CLIP1: variants seen among roughly 807,000 people sequenced by gnomAD.
CLIP1 encodes CAP-Gly domain containing linker protein 1, also known as CAP-Gly domain-containing linker protein 1.
A neutral mutation model predicts 161.6 loss-of-function variants in CLIP1; 66 were observed. The ratio of observed to expected loss-of-function variants is 0.41; its 90% confidence interval spans 0.33 to 0.50. CLIP1 has a LOEUF of 0.50. Ranked by LOEUF, CLIP1 falls within the 20% of genes least tolerant of loss-of-function variation. CLIP1 has a pLI of 0.27. For missense variants in CLIP1, 1,376 were observed against 1,702.0 expected (o/e 0.81, Z 3.37); for synonymous variants, 598 against 626.2 (o/e 0.96, Z 0.67).
rs186115918 is a variant in CLIP1 at position 122,408,078 on chromosome 12, A to T, written c.-107+14443T>A. Among the ~76,000 whole-genome samples, 1,472 of 152,012 alleles carry T rather than the reference A, an allele frequency of 9.7e-3. 24 individuals carry two copies. Among genetic ancestry groups the T allele is most frequent in the African/African-American group, 0.034 (1,406 of 41,480 alleles). On this transcript the variant is annotated intron_variant, in intron 1 of 25. Coordinates refer to ENST00000620786, the MANE Select transcript of CLIP1 (RefSeq NM_001247997.2). ...TGGCGAAACCCCATCTCTACTAAAAATACAAAAATTAGCCAGGCATGGTGG... is the reference window on the plus strand; with the variant it reads ...TGGCGAAACCCCATCTCTACTAAAATTACAAAAATTAGCCAGGCATGGTGG...
chr12:122,284,405 T>A (rs958042277), intron 21 of CLIP1, among the ~76,000 whole-genome samples: 1 of 151,500 alleles, frequency 6.6e-6, no homozygotes, highest in Non-Finnish European at 1.5e-5. Flanking sequence ...CAGGCTGGAG[T>A]GCAATGGCGC....
chr12:122,412,956 G>C (rs1030395044), intron 1 of CLIP1, among the ~76,000 whole-genome samples: 2 of 152,038 alleles, frequency 1.3e-5, no homozygotes, highest in Non-Finnish European at 2.9e-5. Flanking sequence ...AGCAAGCTAC[G>C]TATCCCTTTC....
At chr12:122,327,528 C>T (rs1593074831) in intron 17 of CLIP1, among the ~76,000 whole-genome samples, 2 of 152,166 alleles carry the variant, frequency 1.3e-5, no homozygotes, top group South Asian at 4.2e-4. Context: ...AGTCCTGATT[C>T]CTTGCTTGCT....
At chr12:122,318,462 G>A (rs1951353340) in intron 18 of CLIP1, among the ~76,000 whole-genome samples, 1 of 152,300 alleles carries the variant, frequency 6.6e-6, no homozygotes, top group African/African-American at 2.4e-5. Context: ...GAACCCAGGA[G>A]GTGGAGGTTG....
rs1955541413 is a variant in CLIP1 at position 122,390,178 on chromosome 12, TATATATATATATATATATA to T, written c.-106-9639_-106-9621del. 3.4e-5 allele frequency among the ~76,000 whole-genome samples: 4 copies of T among 117,098 alleles called. 1 individual carries two copies. The South Asian group carries it at 9.4e-4, about 28-fold the overall frequency. The allele number at this position is 117,098 out of a possible 152,430, so 76.8% of individuals were successfully genotyped here. A position where few individuals can be genotyped will look rare whatever the true frequency, so the allele number is the denominator to read the frequency against. Reference sequence around the variant, plus strand: ...AATAAATTACACAGTCTCAGATATATATATATATATATATATATAATATATATATACACACATATATATA... The same window carrying T: ...AATAAATTACACAGTCTCAGATATATATATATATATACACACATATATATA... On this transcript the variant is annotated intron_variant, in intron 1 of 25. Transcript: ENST00000620786.
At chr12:122,407,379 C>T (rs1956360774) in intron 1 of CLIP1, among the ~76,000 whole-genome samples, 1 of 152,104 alleles carries the variant, frequency 6.6e-6, no homozygotes, top group African/African-American at 2.4e-5. Flanking sequence ...TTATTATATA[C>T]AGCAGTGAGA....
At chr12:122,397,737 G>A (rs1368422175) in intron 1 of CLIP1, among the ~76,000 whole-genome samples, 1 of 151,738 alleles carries the variant, frequency 6.6e-6, no homozygotes, top group East Asian at 1.9e-4. Flanking sequence ...CGATCACAAG[G>A]TCAGGAGTTC....
At chr12:122,393,910 TCC>T (rs1955779059) in intron 1 of CLIP1, among the ~76,000 whole-genome samples, 3 of 4,996 alleles carry the variant, frequency 6.0e-4, no homozygotes, top group Non-Finnish European at 1.0e-3. Context: ...AGATTCTGTC[TCC>T]AAAAAAAAAA....
intron 17 of CLIP1, among the ~76,000 whole-genome samples, chr12:122,327,472 C>T (rs974842693): frequency 6.6e-6 from 1 of 152,104 alleles, no homozygotes. Flanking sequence ...GTTCTCAATT[C>T]TAACTCTTCC....
rs57202144 is a variant in CLIP1, at chr12:122,341,762, CTTTTTTTTTTTTTTTTTTTTTTT to C, written c.1507-88_1507-66del. On this transcript the variant is annotated intron_variant, in intron 10 of 25. Transcript: ENST00000620786. ...AACAAGTCATTGACTATTTTCTTTTCTTTTTTTTTTTTTTTTTTTTTTTTTTTTTTTTTTTTTTGAGATGGAGT... is the reference window on the plus strand; with the variant it reads ...AACAAGTCATTGACTATTTTCTTTTCTTTTTTTTTTTTTTTGAGATGGAGT... 2.0e-3 allele frequency: 198 copies of C among 98,574 alleles called. 2 individuals are homozygous for C. Among genetic ancestry groups the C allele is most frequent in the African/African-American group, 3.0e-3 (61 of 20,508 alleles). 6.1% of individuals were successfully genotyped at this position (98,574 alleles called of 1,614,324 possible).
intron 24 of CLIP1, chr12:122,277,827 T>A: frequency 4.1e-6 from 1 of 241,304 alleles, no homozygotes; most frequent in Non-Finnish European, 7.9e-6. Context: ...TATGCCATTA[T>A]TTATGTTAAA....
At chr12:122,306,150 A>G (rs1488926650) in intron 20 of CLIP1, among the ~76,000 whole-genome samples, 1 of 151,478 alleles carries the variant, frequency 6.6e-6, no homozygotes. Flanking sequence ...TTCCTGCCCT[A>G]GAACATTGGA....
Position 122,299,612 on chromosome 12 carries a change from CAA to C in CLIP1, c.3594+10148_3594+10149del, listed in dbSNP as rs71082962. Reference sequence around the variant, plus strand: ...TTTTGTTTTTAAAGAATAAATTCAGCAAAAAAAAAAAAAAAAAAAAGATGCCG... The same window carrying C: ...TTTTGTTTTTAAAGAATAAATTCAGCAAAAAAAAAAAAAAAAAAGATGCCG... On this transcript the variant is annotated intron_variant, in intron 20 of 25. Coordinates refer to ENST00000620786, the MANE Select transcript of CLIP1 (RefSeq NM_001247997.2). 7.0e-3 allele frequency among the ~76,000 whole-genome samples: 437 copies of C among 62,512 alleles called. 19 individuals carry two copies. The highest frequency in any genetic ancestry group is 0.028 in the African/African-American group (403 of 14,348). 41.0% of individuals were successfully genotyped at this position (62,512 alleles called of 152,430 possible).
rs191254035 is a variant in CLIP1 at position 122,354,376 on chromosome 12, C to A, written c.1307+77G>T. The stretch of plus-strand genomic sequence containing the variant: ...CACCACTGCACTGCAGCCTGGGCAA[C>A]AGAGCTAGACTCTGTCTCAAAAACA... On this transcript the variant is annotated intron_variant, in intron 7 of 25. Coordinates refer to ENST00000620786, the MANE Select transcript of CLIP1 (RefSeq NM_001247997.2). The A allele has an allele frequency of 1.5e-4, 161 of 1,091,952 alleles. 1 individual carries two copies. The East Asian group carries it at 3.3e-3, about 22-fold the overall frequency. 67.6% of individuals were successfully genotyped at this position (1,091,952 alleles called of 1,614,324 possible). A position where few individuals can be genotyped will look rare whatever the true frequency, so the allele number is the denominator to read the frequency against.
intron 5 of CLIP1, chr12:122,356,032 C>T (rs753395694): frequency 1.3e-5 from 2 of 152,186 alleles, no homozygotes; most frequent in Non-Finnish European, 2.9e-5. Context: ...AGACTTACAG[C>T]GAGGATCTTT....
intron 20 of CLIP1, 126 bp downstream of exon 20, chr12:122,309,636 A>G: frequency 9.0e-7 from 1 of 1,110,518 alleles, no homozygotes; most frequent in Non-Finnish European, 1.3e-6. Context: ...AGCACAGGTA[A>G]CTTGGAATTC....
chr12:122,292,799 C>T (rs918017996), intron 20 of CLIP1, among the ~76,000 whole-genome samples: 6 of 151,782 alleles, frequency 4.0e-5, no homozygotes, highest in African/African-American at 9.7e-5. Flanking sequence ...GTCAGGAGAT[C>T]GAGACCATCC....
At chr12:122,336,490 T>C in intron 12 of CLIP1, 142 bp downstream of exon 12, 1 of 587,090 alleles carries the variant, frequency 1.7e-6, no homozygotes, top group Admixed American at 2.8e-5. Flanking sequence ...GGACAATATT[T>C]ATCAGCCAAT....
intron 12 of CLIP1, among the ~76,000 whole-genome samples, chr12:122,336,102 G>T (rs1952204476): frequency 1.3e-5 from 2 of 152,196 alleles, no homozygotes; most frequent in Admixed American, 1.3e-4. Context: ...CATACAACTT[G>T]AGATTAAGGA....
Sources: gnomAD v4.1 joint callset for allele counts (sites outside exome capture counted in the v4.1 genomes callset) on GRCh38, gnomAD v4.1.1 for gene constraint, MANE v1.5 for transcripts, NCBI Gene and HGNC (gene_info 2026-07-23, HGNC 2026-07-21) for gene names.